The following ASCC1 variants were observed in gnomAD, a reference collection of about 807,000 sequenced individuals.
The protein encoded by ASCC1 is activating signal cointegrator 1 complex subunit 1, also known as ASC-1 complex subunit P50.
Under a neutral mutation model 46.6 loss-of-function variants are expected in ASCC1, and 35 were observed. The ratio of observed to expected loss-of-function variants is 0.75; its 90% CI spans 0.57 to 0.99. The LOEUF is 0.99. Ranked by LOEUF, ASCC1 falls within the 50% of genes least tolerant of loss-of-function variation. The probability of loss-of-function intolerance (pLI) is 0.00; values close to 1 mark genes in which losing one functional copy is unlikely to be tolerated. For missense variants in ASCC1, 376 were observed against 428.7 expected (o/e 0.88, Z 1.09); for synonymous variants, 143 against 146.6 (o/e 0.98, Z 0.18).
chr10:72,167,312 T>C (rs1589431983), intron 5 of ASCC1, among the ~76,000 whole-genome samples: 1 of 152,294 alleles, frequency 6.6e-6, no homozygotes, highest in East Asian at 1.9e-4. Context: ...AAAACATAGA[T>C]AAGCCTCAAA....
chr10:72,189,340 A>G (rs990913233), intron 5 of ASCC1, among the ~76,000 whole-genome samples: 32 of 152,076 alleles, frequency 2.1e-4, no homozygotes, highest in African/African-American at 7.5e-4. Context: ...CCTGGGAGGC[A>G]GAGCTTGCAG....
intron 7 of ASCC1, among the ~76,000 whole-genome samples, chr10:72,143,170 A>G (rs553596068): frequency 3.2e-4 from 48 of 152,118 alleles, no homozygotes; most frequent in African/African-American, 1.1e-3. Context: ...CAGGAAAAAA[A>G]AAAAAAAAAA....
intron 1 of ASCC1, among the ~76,000 whole-genome samples, chr10:72,214,478 C>T (rs535062168): frequency 2.7e-5 from 4 of 147,528 alleles, no homozygotes; most frequent in East Asian, 2.0e-4. Flanking sequence ...CGGGTTTAAG[C>T]GATTCTCCTG....
Position 72,204,524 on chromosome 10 carries a change from G to A in ASCC1, c.213-1000C>T. 3 of 1,550,132 alleles carry A rather than the reference G, an allele frequency of 1.9e-6. No homozygotes were observed. The South Asian group carries it at 3.6e-5, about 18-fold the overall frequency. ...AATGAGACTACCGAATCCCAAGAGAGAAGTTTCAGAGTCTATAAAGCACTA... is the reference window on the plus strand; with the variant it reads ...AATGAGACTACCGAATCCCAAGAGAAAAGTTTCAGAGTCTATAAAGCACTA... On this transcript the variant is annotated intron_variant, in intron 3 of 9. Coordinates refer to ENST00000672957, the MANE Select transcript of ASCC1 (RefSeq NM_001198800.3).
intron 5 of ASCC1, among the ~76,000 whole-genome samples, chr10:72,169,396 T>A (rs1439866888): frequency 2.0e-5 from 3 of 152,036 alleles, no homozygotes; most frequent in Admixed American, 2.0e-4. Flanking sequence ...GCTGTGATAG[T>A]GCCACTGCAC....
intron 5 of ASCC1, among the ~76,000 whole-genome samples, chr10:72,171,164 G>A (rs1488389035): frequency 6.6e-6 from 1 of 152,146 alleles, no homozygotes; most frequent in African/African-American, 2.4e-5. Context: ...ACTACTTCCT[G>A]TATAAATTCT....
intron 5 of ASCC1, among the ~76,000 whole-genome samples, chr10:72,191,411 T>C (rs917795096): frequency 6.6e-6 from 1 of 151,810 alleles, no homozygotes; most frequent in African/African-American, 2.4e-5. Context: ...CTTTGCTTTA[T>C]CTTATTAGGG....
At position 72,141,212 on chromosome 10, in the gene ASCC1, CTT is replaced by C. The variant is rs529798076; in HGVS notation, c.747-8033_747-8032del. On this transcript the variant is annotated intron_variant, in intron 7 of 9. Coordinates refer to ENST00000672957, the MANE Select transcript of ASCC1 (RefSeq NM_001198800.3). ...TAAATTGTTTATGTATCCAGGCTGA[CTT>C]ATTCTTCTATTGCTCTCTCTTCCCA... Among the ~76,000 whole-genome samples, 155 of 152,226 alleles carry C rather than the reference CTT, an allele frequency of 1.0e-3. 3 individuals carry two copies. In the East Asian group the frequency reaches 0.029, roughly 28 times the overall value.
Position 72,096,183 on chromosome 10 carries a change from G to A in ASCC1, c.*1151C>T, listed in dbSNP as rs1841074856. 1 of 454,054 alleles carries A rather than the reference G, an allele frequency of 2.2e-6. No individual in the cohort carries two copies. The highest frequency in any genetic ancestry group is 4.4e-6 in the Non-Finnish European group (1 of 226,806). The allele number at this position is 454,054 out of a possible 1,614,324, so 28.1% of individuals were successfully genotyped here. On this transcript the variant is annotated 3_prime_UTR_variant, in exon 10 of 10. Coordinates refer to ENST00000672957, the MANE Select transcript of ASCC1 (RefSeq NM_001198800.3). Reference sequence around the variant, plus strand: ...GAGAAAGAATCAAGGCAAGAATAAGGAAGGAGAAGAAGGAGAGGACATGGA... The same window carrying A: ...GAGAAAGAATCAAGGCAAGAATAAGAAAGGAGAAGAAGGAGAGGACATGGA...
chr10:72,118,433 A>C (rs1279417246), intron 9 of ASCC1, among the ~76,000 whole-genome samples: 1 of 151,994 alleles, frequency 6.6e-6, no homozygotes, highest in African/African-American at 2.4e-5. Context: ...TATTGAATCG[A>C]ATAATAAAAA....
chr10:72,112,501 G>A lies in ASCC1; in HGVS notation c.958-15051C>T, dbSNP rs149582570. Among the ~76,000 whole-genome samples, 17 of 151,768 alleles carry A rather than the reference G, an allele frequency of 1.1e-4. No homozygotes were observed. In the East Asian group the frequency reaches 1.6e-3, roughly 14 times the overall value. On this transcript the variant is annotated intron_variant, in intron 9 of 9. Transcript: ENST00000672957. ...GGAGATGGATAGTGATGATGGTCGC[G>A]TAACAACATGAATGTACTTAATGCC...
intron 7 of ASCC1, among the ~76,000 whole-genome samples, chr10:72,140,446 G>A (rs903746685): frequency 1.3e-5 from 2 of 152,124 alleles, no homozygotes; most frequent in African/African-American, 4.8e-5. Flanking sequence ...GATGAGAAAT[G>A]ATGAAAGATT....
At chr10:72,178,325 T>C (rs1003022810) in intron 5 of ASCC1, among the ~76,000 whole-genome samples, 1 of 152,206 alleles carries the variant, frequency 6.6e-6, no homozygotes, top group Non-Finnish European at 1.5e-5. Context: ...TGATAATGTA[T>C]GAATCCTACA....
intron 5 of ASCC1, among the ~76,000 whole-genome samples, chr10:72,192,848 T>C (rs1157026391): frequency 6.6e-6 from 1 of 152,046 alleles, no homozygotes; most frequent in African/African-American, 2.4e-5. Flanking sequence ...TTACCAAAGA[T>C]AATATAAGGA....
At chr10:72,191,461 T>C (rs1854493474) in intron 5 of ASCC1, among the ~76,000 whole-genome samples, 1 of 151,808 alleles carries the variant, frequency 6.6e-6, no homozygotes. Flanking sequence ...TGTGGTATAA[T>C]AGGTTTAAAA....
intron 5 of ASCC1, among the ~76,000 whole-genome samples, chr10:72,164,455 C>A (rs776272790): frequency 6.6e-6 from 1 of 152,170 alleles, no homozygotes; most frequent in South Asian, 2.1e-4. Context: ...CAAGCTGTAG[C>A]ATTATCACTC....
chr10:72,141,921 T>C (rs551465223), intron 7 of ASCC1, among the ~76,000 whole-genome samples: 5 of 152,306 alleles, frequency 3.3e-5, no homozygotes, highest in East Asian at 1.9e-4. Context: ...ATAATGACCA[T>C]TGGTCTTCTA....
chr10:72,110,510 C>T (rs1287299918), intron 9 of ASCC1, among the ~76,000 whole-genome samples: 3 of 152,236 alleles, frequency 2.0e-5, no homozygotes, highest in South Asian at 2.1e-4. Flanking sequence ...CAAATCAGGC[C>T]GGGCGCAGTG....
Position 72,197,906 on chromosome 10 carries a change from A to AAAATAAATAAATAAATATAT in ASCC1, c.311-918_311-917insATATATTTATTTATTTATTT, listed in dbSNP as rs375640125. On this transcript the variant is annotated intron_variant, in intron 4 of 9. Coordinates refer to ENST00000672957, the MANE Select transcript of ASCC1 (RefSeq NM_001198800.3). Reference sequence around the variant, plus strand: ...GGGCAACAGAGCTAGACCCTGTCTCAAAATAAATAAATAAATAAATAAATA... The same window carrying AAAATAAATAAATAAATATAT: ...GGGCAACAGAGCTAGACCCTGTCTCAAAATAAATAAATAAATATATAAATAAATAAATAAATAAATAAATA... 6.9e-4 allele frequency among the ~76,000 whole-genome samples: 96 copies of AAAATAAATAAATAAATATAT among 140,002 alleles called. 1 individual carries two copies. The highest frequency in any genetic ancestry group is 2.3e-3 in the African/African-American group (74 of 32,634). The allele number at this position is 140,002 out of a possible 152,430, so 91.8% of individuals were successfully genotyped here.
Sources: allele counts gnomAD v4.1 joint callset (sites outside exome capture counted in the v4.1 genomes callset), GRCh38; gene constraint gnomAD v4.1.1; transcripts MANE v1.5; gene names NCBI Gene and HGNC (gene_info 2026-07-23, HGNC 2026-07-21).